AFF3: variants seen among roughly 807,000 people sequenced by gnomAD.
AFF3 encodes ALF transcription elongation factor 3.
In AFF3, 32 loss-of-function variants were observed where a neutral mutation model predicts 129.7. The observed-to-expected ratio is 0.25, with a 90% CI of 0.19 to 0.33. AFF3 has a LOEUF of 0.33. Ranked by LOEUF, AFF3 falls within the 10% of genes least tolerant of loss-of-function variation. The probability of loss-of-function intolerance (pLI) is 1.00; values close to 1 mark genes in which losing one functional copy is unlikely to be tolerated. For missense variants in AFF3, 1,373 were observed against 1,592.0 expected, an observed-to-expected ratio of 0.86 and a Z score of 2.34; for synonymous variants, 644 against 635.4, an observed-to-expected ratio of 1.01 and a Z score of -0.20.
intron 12 of AFF3, among the ~76,000 whole-genome samples, chr2:99,663,431 C>A (rs933521572): frequency 6.6e-6 from 1 of 152,138 alleles, no homozygotes; most frequent in Non-Finnish European, 1.5e-5. Flanking sequence ...CTAAGAGACA[C>A]GACTATTACT....
chr2:99,781,086 T>C (rs999446957), intron 8 of AFF3, among the ~76,000 whole-genome samples: 3 of 152,176 alleles, frequency 2.0e-5, no homozygotes, highest in Non-Finnish European at 4.4e-5. Flanking sequence ...CATTCTCCCC[T>C]TACTTACTCT....
intron 11 of AFF3, among the ~76,000 whole-genome samples, chr2:99,687,857 C>T (rs1296729663): frequency 6.6e-6 from 1 of 152,116 alleles, no homozygotes; most frequent in Non-Finnish European, 1.5e-5. Context: ...TAACGTAAGT[C>T]CATTTGAAAT....
At chr2:100,136,296 G>A (rs1692639429) in intron 1 of AFF3, among the ~76,000 whole-genome samples, 1 of 152,164 alleles carries the variant, frequency 6.6e-6, no homozygotes, top group Non-Finnish European at 1.5e-5. Flanking sequence ...GGGGACTGGG[G>A]CGCTTCACCA....
At chr2:99,778,386 C>T (rs1684112284) in intron 8 of AFF3, among the ~76,000 whole-genome samples, 1 of 152,206 alleles carries the variant, frequency 6.6e-6, no homozygotes, top group Non-Finnish European at 1.5e-5. Context: ...GTGCCTCAGA[C>T]AGGCAGAAAC....
intron 4 of AFF3, among the ~76,000 whole-genome samples, chr2:100,074,228 A>G (rs1023844049): frequency 6.6e-6 from 1 of 152,086 alleles, no homozygotes; most frequent in African/African-American, 2.4e-5. Context: ...CACTCCTTGG[A>G]ATTTCCCACT....
chr2:99,593,757 G>C lies in AFF3; in HGVS notation c.1904C>G (p.Ala635Gly). The change falls in exon 15 of 25, where the codon GCG (alanine) becomes GGG (glycine). Residue 635 changes from alanine to glycine, a missense_variant. This residue lies in a region of AFF3 where 466 missense variants were observed against 505.0 expected (regional missense o/e 0.92). Transcript: ENST00000672756. ...GGAGCGCAGCTCCTTGCGGTGGCTCGCTCTGTTGTTGCCACAGGGCCTGGT... is the reference window on the plus strand; with the variant it reads ...GGAGCGCAGCTCCTTGCGGTGGCTCCCTCTGTTGTTGCCACAGGGCCTGGT... ...TKTRPCGNNR[A>G]SHRKELRSSV... is the part of the protein sequence containing the mutation. The C allele has an allele frequency of 6.2e-7, 1 of 1,612,646 alleles. No individual in the cohort carries two copies. The highest frequency in any genetic ancestry group is 8.5e-7 in the Non-Finnish European group (1 of 1,179,908).
chr2:100,090,670 C>CAT (rs199722344), intron 4 of AFF3, among the ~76,000 whole-genome samples: 264 of 150,202 alleles, frequency 1.8e-3, no homozygotes, highest in Non-Finnish European at 2.6e-3. Context: ...TACATACATA[C>CAT]ATATATATAT....
chr2:100,134,870 G>A (rs1424112684), intron 1 of AFF3, among the ~76,000 whole-genome samples: 1 of 152,192 alleles, frequency 6.6e-6, no homozygotes, highest in Admixed American at 6.5e-5. Context: ...AGCAGATAAT[G>A]GCAACTAAAT....
chr2:99,953,085 G>A (rs1676313794), intron 7 of AFF3, among the ~76,000 whole-genome samples: 1 of 152,186 alleles, frequency 6.6e-6, no homozygotes, highest in African/African-American at 2.4e-5. Flanking sequence ...CAGCAAACAC[G>A]AAGCCCCACA....
Position 99,593,995 on chromosome 2 carries a change from C to A in AFF3, c.1666G>T (p.Val556Leu). ...KQKSPPAAVA[V>L]AVSAAAPPPA... The stretch of plus-strand genomic sequence containing the variant: ...GGCGGGGCGGCTGCGCTCACCGCCA[C>A]GGCCACGGCCGCGGGCGGGGACTTC... The change falls in exon 15 of 25, where the codon GTG becomes TTG. Residue 556 changes from valine (V) to leucine (L), a missense_variant. Val to Leu is a conservative substitution (Grantham distance 32). Transcript: ENST00000672756. 1 of 1,538,566 alleles carries A rather than the reference C, an allele frequency of 6.5e-7. No homozygotes were observed.
At chr2:100,047,857 A>C (rs1685962554) in intron 4 of AFF3, among the ~76,000 whole-genome samples, 1 of 152,346 alleles carries the variant, frequency 6.6e-6, no homozygotes, top group African/African-American at 2.4e-5. Context: ...ATTTATTTGC[A>C]GAAACAAACA....
At chr2:99,989,796 T>C (rs192061163) in intron 7 of AFF3, among the ~76,000 whole-genome samples, 13 of 152,338 alleles carry the variant, frequency 8.5e-5, no homozygotes, top group African/African-American at 3.1e-4. Flanking sequence ...TCTCTTTCAT[T>C]TTACTTGTTT....
intron 8 of AFF3, among the ~76,000 whole-genome samples, chr2:99,794,614 T>C (rs182458671): frequency 6.6e-6 from 1 of 152,172 alleles, no homozygotes; most frequent in Non-Finnish European, 1.5e-5. Flanking sequence ...GGGTCCCCTA[T>C]GTAGATTTCT....
intron 7 of AFF3, among the ~76,000 whole-genome samples, chr2:99,861,373 G>A (rs1455812943): frequency 2.0e-5 from 3 of 152,160 alleles, no homozygotes; most frequent in Admixed American, 6.5e-5. Flanking sequence ...AAGGGCTTTA[G>A]AGCCAAACTA....
intron 16 of AFF3, among the ~76,000 whole-genome samples, chr2:99,583,807 C>A (rs2104846768): frequency 6.6e-6 from 1 of 152,238 alleles, no homozygotes; most frequent in South Asian, 2.1e-4. Flanking sequence ...ATTTTCCTGC[C>A]TCAGCCTCCC....
intron 4 of AFF3, among the ~76,000 whole-genome samples, chr2:100,013,170 G>C (rs1573110672): frequency 6.6e-6 from 1 of 152,040 alleles, no homozygotes; most frequent in East Asian, 1.9e-4. Context: ...TCTATAAATT[G>C]CGGTATCTTG....
chr2:99,837,278 T>TAG (rs1688948858), intron 8 of AFF3, among the ~76,000 whole-genome samples, 199 bp downstream of exon 8: 1 of 152,174 alleles, frequency 6.6e-6, no homozygotes, highest in East Asian at 1.9e-4. Flanking sequence ...CACCTCAGCC[T>TAG]GTGCAGAGGT....
intron 7 of AFF3, among the ~76,000 whole-genome samples, chr2:99,869,011 G>A (rs1387116678): frequency 6.8e-6 from 1 of 147,960 alleles, no homozygotes; most frequent in Non-Finnish European, 1.5e-5. Flanking sequence ...GGCTGGTCTC[G>A]AACTCCTGGC....
chr2:99,673,049 CTTTT>C (rs149522615), intron 11 of AFF3, among the ~76,000 whole-genome samples: 1 of 143,380 alleles, frequency 7.0e-6, no homozygotes, highest in Non-Finnish European at 1.5e-5. Flanking sequence ...AAAGAAGATG[CTTTT>C]TTTTTTTTTC....
Sources: gnomAD v4.1 joint callset for allele counts (sites outside exome capture counted in the v4.1 genomes callset) on GRCh38, gnomAD v4.1.1 for gene constraint, gnomAD v4.1.1 regional missense constraint, MANE v1.5 for transcripts, NCBI Gene and HGNC (gene_info 2026-07-23, HGNC 2026-07-21) for gene names.